CDK19: variants seen among roughly 807,000 people sequenced by gnomAD.
CDK19 encodes the protein cyclin dependent kinase 19.
In CDK19, 20 loss-of-function variants were observed where a neutral mutation model predicts 68.3. The ratio of observed to expected loss-of-function variants is 0.29; its 90% CI spans 0.21 to 0.43. The LOEUF (loss-of-function observed/expected upper bound fraction) is 0.43, where lower values mean the gene tolerates loss of function less well. CDK19 is among the 20% of genes least tolerant of loss of function. CDK19 has a pLI of 1.00. For synonymous variants in CDK19, 221 were observed against 222.8 expected (o/e 0.99, Z 0.07); for missense variants, 339 against 623.5 (o/e 0.54, Z 4.86).
chr6:110,771,424 G>A (rs1157781492), intron 1 of CDK19, among the ~76,000 whole-genome samples: 1 of 152,152 alleles, frequency 6.6e-6, no homozygotes, highest in Non-Finnish European at 1.5e-5. Flanking sequence ...TTTAGTCACA[G>A]CTGGAGTGAC....
chr6:110,670,567 C>T lies in CDK19; in HGVS notation c.205-26G>A, dbSNP rs753420583. The T allele has an allele frequency of 6.0e-6, 8 of 1,337,864 alleles. No individual in the cohort carries two copies. The Admixed American group carries it at 1.4e-4, about 23-fold the overall frequency. The allele number at this position is 1,337,864 out of a possible 1,614,324, so 82.9% of individuals were successfully genotyped here. A position where few individuals can be genotyped will look rare whatever the true frequency, so the allele number is the denominator to read the frequency against. ...CTGAATGCAAAAGAAAGAGAGGGGT[C>T]ACTGTTGTGTTAGCAAGGAGGGGGA... On this transcript the variant is annotated intron_variant, in intron 2 of 12. Coordinates refer to ENST00000368911, the MANE Select transcript of CDK19 (RefSeq NM_015076.5).
intron 2 of CDK19, among the ~76,000 whole-genome samples, chr6:110,708,081 A>G (rs928809926): frequency 6.6e-6 from 1 of 152,194 alleles, no homozygotes; most frequent in African/African-American, 2.4e-5. Flanking sequence ...TTAACTCCTT[A>G]AGATAAAAAT....
chr6:110,647,106 C>T (rs556524945), intron 4 of CDK19, among the ~76,000 whole-genome samples: 11 of 152,230 alleles, frequency 7.2e-5, no homozygotes, highest in African/African-American at 2.6e-4. Context: ...CTGCACTCCC[C>T]TCTATCACCC....
At chr6:110,705,195 C>A (rs892507711) in intron 2 of CDK19, among the ~76,000 whole-genome samples, 2 of 152,108 alleles carry the variant, frequency 1.3e-5, no homozygotes, top group African/African-American at 2.4e-5. Flanking sequence ...CATGCGCCAC[C>A]ACGCCCGGCT....
intron 1 of CDK19, among the ~76,000 whole-genome samples, chr6:110,797,560 GA>G (rs1407726597): frequency 6.6e-6 from 1 of 151,932 alleles, no homozygotes; most frequent in Non-Finnish European, 1.5e-5. Flanking sequence ...AAGGAAGATA[GA>G]AAAGAAAAAA....
chr6:110,645,561 G>A (rs1780501146), intron 4 of CDK19: 1 of 179,192 alleles, frequency 5.6e-6, no homozygotes, highest in Non-Finnish European at 1.2e-5. Context: ...GAAAGATAAA[G>A]GGTAGGATGG....
chr6:110,760,986 A>G (rs977077281), intron 1 of CDK19, among the ~76,000 whole-genome samples: 1 of 152,212 alleles, frequency 6.6e-6, no homozygotes, highest in African/African-American at 2.4e-5. Context: ...ACAGCACGAT[A>G]CATCTGAAGT....
intron 1 of CDK19, among the ~76,000 whole-genome samples, chr6:110,787,821 T>A (rs1781336919): frequency 6.6e-6 from 1 of 152,076 alleles, no homozygotes; most frequent in African/African-American, 2.4e-5. Context: ...TTATCTTGAC[T>A]GGGTTTTGCG....
chr6:110,670,354 T>G, intron 3 of CDK19, 77 bp downstream of exon 3: 4 of 703,812 alleles, frequency 5.7e-6, no homozygotes, highest in Non-Finnish European at 9.7e-6. Flanking sequence ...TTCTGTGCAT[T>G]AACAATATGT....
intron 2 of CDK19, among the ~76,000 whole-genome samples, chr6:110,740,562 G>A (rs1186528041): frequency 6.6e-6 from 1 of 152,168 alleles, no homozygotes; most frequent in African/African-American, 2.4e-5. Context: ...TTTCCTTTCT[G>A]TAAACTTGTA....
At chr6:110,632,589 G>C (rs1452304479) in intron 5 of CDK19, among the ~76,000 whole-genome samples, 1 of 152,118 alleles carries the variant, frequency 6.6e-6, no homozygotes, top group Non-Finnish European at 1.5e-5. Context: ...AAATTAGCTG[G>C]GCATGGTGGT....
intron 1 of CDK19, among the ~76,000 whole-genome samples, chr6:110,765,199 C>T (rs1183734880): frequency 6.6e-6 from 1 of 151,942 alleles, no homozygotes; most frequent in Non-Finnish European, 1.5e-5. Flanking sequence ...GGGAGAATTG[C>T]TTGAATCCAG....
intron 2 of CDK19, among the ~76,000 whole-genome samples, chr6:110,731,192 C>T (rs1334229289): frequency 3.3e-5 from 5 of 151,868 alleles, no homozygotes; most frequent in African/African-American, 1.2e-4. Context: ...TTTCCCAGGC[C>T]TGCTGAATGA....
intron 2 of CDK19, among the ~76,000 whole-genome samples, chr6:110,699,526 T>C (rs1408005031): frequency 6.6e-6 from 1 of 151,782 alleles, no homozygotes; most frequent in African/African-American, 2.4e-5. Flanking sequence ...AGCTAAGCTA[T>C]GGATACACAA....
intron 2 of CDK19, among the ~76,000 whole-genome samples, chr6:110,711,959 C>T (rs947286287): frequency 1.3e-5 from 2 of 152,136 alleles, no homozygotes; most frequent in Admixed American, 6.6e-5. Flanking sequence ...GGTGACACTG[C>T]GAGACTCCGT....
chr6:110,633,957 T>A (rs369738133), intron 5 of CDK19, among the ~76,000 whole-genome samples: 9 of 152,300 alleles, frequency 5.9e-5, no homozygotes, highest in African/African-American at 1.9e-4. Context: ...ATTATACATA[T>A]GATAATTGCA....
At chr6:110,645,761 A>T in intron 4 of CDK19, 1 of 557,196 alleles carries the variant, frequency 1.8e-6, no homozygotes, top group Non-Finnish European at 3.4e-6. Flanking sequence ...ATGCATGGAC[A>T]ATGAGCGGCT....
intron 1 of CDK19, among the ~76,000 whole-genome samples, chr6:110,806,587 A>G (rs1328475404): frequency 1.3e-5 from 2 of 152,276 alleles, no homozygotes; most frequent in South Asian, 2.1e-4. Context: ...GAGACAGCCA[A>G]TGATGTAAGT....
intron 2 of CDK19, among the ~76,000 whole-genome samples, chr6:110,684,803 T>C (rs1046290079): frequency 3.9e-5 from 6 of 152,200 alleles, no homozygotes; most frequent in Non-Finnish European, 8.8e-5. Flanking sequence ...TTACTATACC[T>C]GCAATGATGC....
Sources: gnomAD v4.1 joint callset for allele counts (sites outside exome capture counted in the v4.1 genomes callset) on GRCh38, gnomAD v4.1.1 for gene constraint, MANE v1.5 for transcripts, NCBI Gene and HGNC (gene_info 2026-07-23, HGNC 2026-07-21) for gene names.